The following FAHD2B variants were observed in gnomAD, a reference collection of about 807,000 sequenced individuals.
FAHD2B encodes the protein oxaloacetate tautomerase FAHD2B, mitochondrial.
Under a neutral mutation model 33.7 loss-of-function variants are expected in FAHD2B, and 26 were observed. The ratio of observed to expected loss-of-function variants is 0.77; its 90% confidence interval spans 0.57 to 1.07. FAHD2B has a LOEUF of 1.07. Among genes scored for constraint, FAHD2B ranks in the 50% least tolerant of loss-of-function variants. FAHD2B has a pLI of 0.00. For missense variants in FAHD2B, 272 were observed against 388.1 expected (o/e 0.70, Z 2.51); for synonymous variants, 108 against 150.9 (o/e 0.72, Z 2.08).
chr2:97,079,098 C>A (rs1416670879), downstream of FAHD2B, among the ~76,000 whole-genome samples: 2 of 152,060 alleles, frequency 1.3e-5, no homozygotes, highest in East Asian at 3.9e-4. Context: ...AGGTCGTGAT[C>A]TTATTCTTAC....
At chr2:97,084,071 G>T (rs1405360877) in intron 7 of FAHD2B, 36 bp from the exon 8 acceptor site, 1 of 1,613,220 alleles carries the variant, frequency 6.2e-7, no homozygotes, top group Non-Finnish European at 8.5e-7. Flanking sequence ...GAGACCAGGG[G>T]CTGGCTGAGT....
chr2:97,092,258 T>A (rs974379722), intron 1 of FAHD2B, among the ~76,000 whole-genome samples: 1 of 152,184 alleles, frequency 6.6e-6, no homozygotes, highest in African/African-American at 2.4e-5. Context: ...AGCAATTTTT[T>A]AAATGCTATT....
intron 1 of FAHD2B, among the ~76,000 whole-genome samples, chr2:97,094,025 T>C (rs1299033958): frequency 6.6e-6 from 1 of 151,968 alleles, no homozygotes; most frequent in Non-Finnish European, 1.5e-5. Flanking sequence ...CAGAATGTTG[T>C]GGTGAGAAGT....
intron 4 of FAHD2B, among the ~76,000 whole-genome samples, chr2:97,088,483 C>T (rs1195741866): frequency 6.6e-6 from 1 of 152,146 alleles, no homozygotes; most frequent in Non-Finnish European, 1.5e-5. Context: ...TGCTATCCAC[C>T]TAAGATGTGA....
chr2:97,081,108 A>T (rs960528734), downstream of FAHD2B: 8 of 1,508,944 alleles, frequency 5.3e-6, no homozygotes, highest in African/African-American at 8.4e-5. Flanking sequence ...CAGCCTGTGC[A>T]GTGCGGGGGC....
intron 1 of FAHD2B, among the ~76,000 whole-genome samples, chr2:97,093,783 C>A (rs905315026): frequency 1.3e-5 from 2 of 152,050 alleles, no homozygotes; most frequent in African/African-American, 4.8e-5. Context: ...TGATTTAATT[C>A]TTGACGCTTG....
At chr2:97,090,401 C>A (rs2032266999) in intron 3 of FAHD2B, 76 bp from the exon 4 acceptor site, 10 of 1,471,732 alleles carry the variant, frequency 6.8e-6, no homozygotes, top group Non-Finnish European at 9.0e-6. Flanking sequence ...GCAGATCCTG[C>A]AGCAGCTACA....
At chr2:97,081,454 A>T (rs2031641310), downstream of FAHD2B, 2 of 1,574,494 alleles carry the variant, frequency 1.3e-6, no homozygotes, top group Admixed American at 3.6e-5. Flanking sequence ...CAGTCTTCCT[A>T]CTGCTACTGT....
chr2:97,094,125 A>C (rs4063380), intron 1 of FAHD2B, among the ~76,000 whole-genome samples: 1 of 152,134 alleles, frequency 6.6e-6, no homozygotes, highest in Non-Finnish European at 1.5e-5. Context: ...GAGGCCCTGC[A>C]AACAGCCATG....
chr2:97,081,947 T>C (rs2031659130), downstream of FAHD2B: 6 of 835,956 alleles, frequency 7.2e-6, no homozygotes, highest in Admixed American at 7.9e-5. Flanking sequence ...TCTGGGGGTG[T>C]AGGGTTGATC....
intron 1 of FAHD2B, among the ~76,000 whole-genome samples, chr2:97,093,378 A>C (rs1226230818): frequency 6.6e-6 from 1 of 152,040 alleles, no homozygotes; most frequent in Non-Finnish European, 1.5e-5. Context: ...GCCAAAGTGC[A>C]CACACTCAGA....
intron 3 of FAHD2B, among the ~76,000 whole-genome samples, chr2:97,090,754 G>C (rs2032290712): frequency 6.6e-6 from 1 of 151,626 alleles, no homozygotes; most frequent in Non-Finnish European, 1.5e-5. Context: ...ACAATACATA[G>C]AGAGTGTCCT....
chr2:97,081,025 C>CGA (rs2031623710), downstream of FAHD2B: 7 of 1,355,682 alleles, frequency 5.2e-6, no homozygotes, highest in Non-Finnish European at 6.8e-6. Flanking sequence ...CCCAGCACTT[C>CGA]TGGAGGCCGA....
At chr2:97,082,000 G>A (rs537446739), downstream of FAHD2B, 49 of 1,523,544 alleles carry the variant, frequency 3.2e-5, 1 homozygote, top group South Asian at 5.2e-4. Context: ...GGTCCGGCCA[G>A]CCTGTGACAC....
At chr2:97,086,257 C>T in intron 4 of FAHD2B, 59 bp from the exon 5 acceptor site, 1 of 1,591,112 alleles carries the variant, frequency 6.3e-7, no homozygotes, top group Non-Finnish European at 8.6e-7. Context: ...TATCTATGCT[C>T]AGAGGCTGTA....
At chr2:97,089,657 T>C (rs1233253719) in intron 4 of FAHD2B, 1 of 160,548 alleles carries the variant, frequency 6.2e-6, no homozygotes, top group Non-Finnish European at 1.4e-5. Flanking sequence ...TACTCAGGAA[T>C]ATAAACTACC....
downstream of FAHD2B, chr2:97,081,578 C>T (rs1181013452): frequency 4.6e-6 from 7 of 1,517,610 alleles, no homozygotes; most frequent in Non-Finnish European, 6.2e-6. Context: ...GCCTCCCACC[C>T]TGAGTGCCAG....
At chr2:97,082,859 C>G (rs942491234), downstream of FAHD2B, 157 of 836,770 alleles carry the variant, frequency 1.9e-4, no homozygotes, top group Non-Finnish European at 2.8e-4. Flanking sequence ...ACAGGGCTGG[C>G]CTGATGGTGC....
chr2:97,087,657 C>T (rs62155552), intron 4 of FAHD2B, among the ~76,000 whole-genome samples: 18,480 of 151,982 alleles, frequency 0.12, 1,735 homozygotes, highest in Non-Finnish European at 0.18. Context: ...TAAGATGGTG[C>T]CACTACATTC....
Sources: allele counts gnomAD v4.1 joint callset (sites outside exome capture counted in the v4.1 genomes callset), GRCh38; gene constraint gnomAD v4.1.1; transcripts MANE v1.5; gene names NCBI Gene and HGNC (gene_info 2026-07-23, HGNC 2026-07-21).